The following CALN1 variants were observed in gnomAD, a reference collection of about 807,000 sequenced individuals.
The protein encoded by CALN1 is calcium-binding protein 8.
In CALN1, 17 loss-of-function variants were observed where a neutral mutation model predicts 30.6. The observed-to-expected ratio is 0.56, with a 90% CI of 0.38 to 0.83. The LOEUF (loss-of-function observed/expected upper bound fraction) is 0.83. Among genes scored for constraint, CALN1 ranks in the 40% least tolerant of loss-of-function variants. The pLI, the probability that CALN1 is intolerant of heterozygous loss-of-function variation, is 0.00. For missense variants in CALN1, 291 were observed against 354.9 expected (o/e 0.82, Z 1.45); for synonymous variants, 156 against 131.4 (o/e 1.19, Z -1.28).
At chr7:72,266,834 C>T (rs751173300) in intron 3 of CALN1, among the ~76,000 whole-genome samples, 9 of 152,082 alleles carry the variant, frequency 5.9e-5, no homozygotes, top group South Asian at 2.1e-4. Context: ...CAGAGAAATC[C>T]CTGCTCTGCC....
chr7:72,446,395 C>T (rs1263778630), intron 1 of CALN1, among the ~76,000 whole-genome samples: 3 of 152,066 alleles, frequency 2.0e-5, no homozygotes, highest in Admixed American at 1.3e-4. Context: ...ACCTGAGACT[C>T]GGCTAGAAGT....
chr7:72,448,987 C>CAGGGT (rs913784760), upstream of CALN1, among the ~76,000 whole-genome samples: 53 of 152,226 alleles, frequency 3.5e-4, no homozygotes, highest in African/African-American at 1.3e-3. Flanking sequence ...CAGAGATCTC[C>CAGGGT]AGGGTACGTG....
At chr7:72,265,816 T>C (rs1419961004) in intron 3 of CALN1, among the ~76,000 whole-genome samples, 1 of 152,014 alleles carries the variant, frequency 6.6e-6, no homozygotes, top group East Asian at 1.9e-4. Context: ...AGCCAGTATT[T>C]AGATCACCTG....
At chr7:72,372,591 G>A (rs545896013) in intron 2 of CALN1, among the ~76,000 whole-genome samples, 3 of 152,220 alleles carry the variant, frequency 2.0e-5, no homozygotes, top group East Asian at 3.9e-4. Flanking sequence ...TAAACTTTGA[G>A]AACTGAACAA....
chr7:72,266,303 G>A (rs746338619), intron 3 of CALN1, among the ~76,000 whole-genome samples: 1 of 152,206 alleles, frequency 6.6e-6, no homozygotes, highest in Admixed American at 6.5e-5. Context: ...AGGTAAGGTT[G>A]AAAGCCACCA....
chr7:72,313,325 G>A (rs1800190500), intron 2 of CALN1, among the ~76,000 whole-genome samples: 1 of 151,784 alleles, frequency 6.6e-6, no homozygotes, highest in African/African-American at 2.4e-5. Context: ...AAAAACATTT[G>A]GAAAAAAATA....
chr7:72,499,839 T>C, the CALN1 span, among the ~76,000 whole-genome samples: 2 of 24,444 alleles, frequency 8.2e-5, no homozygotes, highest in Admixed American at 4.7e-4. Flanking sequence ...CTTTCTTTCT[T>C]TCTTTCTTTC....
chr7:72,014,554 T>C (rs844706), intron 5 of CALN1, among the ~76,000 whole-genome samples: 2,970 of 152,344 alleles, frequency 0.019, 116 homozygotes, highest in African/African-American at 0.068. Flanking sequence ...CAGTTGTCTA[T>C]TGCTCTTTAT....
At chr7:71,922,531 TATTA>T (rs891199183) in intron 5 of CALN1, among the ~76,000 whole-genome samples, 3 of 138,760 alleles carry the variant, frequency 2.2e-5, no homozygotes, top group African/African-American at 8.3e-5. Flanking sequence ...ACACAGAATA[TATTA>T]TATATAAATA....
intron 2 of CALN1, among the ~76,000 whole-genome samples, chr7:72,305,188 C>A (rs1482881042): frequency 6.6e-6 from 1 of 152,212 alleles, no homozygotes; most frequent in Admixed American, 6.5e-5. Flanking sequence ...GACTGGCCCC[C>A]AGAGAACTGC....
chr7:72,176,211 C>T (rs1046396346), intron 3 of CALN1, among the ~76,000 whole-genome samples: 2 of 151,984 alleles, frequency 1.3e-5, no homozygotes, highest in African/African-American at 4.8e-5. Flanking sequence ...AGCTACTTTT[C>T]GTGTTTCCTT....
At chr7:72,012,490 AAC>A in intron 5 of CALN1, among the ~76,000 whole-genome samples, 1 of 152,362 alleles carries the variant, frequency 6.6e-6, no homozygotes, top group East Asian at 1.9e-4. Context: ...CCAGCCTGGC[AAC>A]AGAGTGAGAC....
At chr7:71,886,525 C>A (rs1011108824) in intron 5 of CALN1, among the ~76,000 whole-genome samples, 8 of 152,158 alleles carry the variant, frequency 5.3e-5, no homozygotes, top group African/African-American at 7.2e-5. Flanking sequence ...GTAATCCCAG[C>A]ACTTTGGGAG....
At chr7:72,056,091 C>T (rs937400997) in intron 4 of CALN1, among the ~76,000 whole-genome samples, 27 of 152,034 alleles carry the variant, frequency 1.8e-4, no homozygotes, top group African/African-American at 6.0e-4. Context: ...ATTTTTAAAG[C>T]CTTTAAAAGA....
chr7:72,174,409 A>G (rs1240968247), intron 3 of CALN1, among the ~76,000 whole-genome samples: 1 of 152,180 alleles, frequency 6.6e-6, no homozygotes, highest in African/African-American at 2.4e-5. Context: ...ATGGAAACAT[A>G]TGTCCACAGG....
intron 5 of CALN1, among the ~76,000 whole-genome samples, chr7:71,917,661 G>A (rs1794747810): frequency 6.6e-6 from 1 of 152,064 alleles, no homozygotes; most frequent in African/African-American, 2.4e-5. Flanking sequence ...TGCAAGTGGG[G>A]GGAGGAAATG....
chr7:72,159,984 A>G (rs1045391698), intron 3 of CALN1, among the ~76,000 whole-genome samples: 3 of 152,178 alleles, frequency 2.0e-5, no homozygotes, highest in African/African-American at 4.8e-5. Flanking sequence ...GATGTGGACA[A>G]CTTGGAGGTT....
At chr7:72,060,930 G>A (rs1803603576) in intron 4 of CALN1, among the ~76,000 whole-genome samples, 1 of 152,146 alleles carries the variant, frequency 6.6e-6, no homozygotes, top group African/African-American at 2.4e-5. Context: ...AAATTACTCA[G>A]TTTCAGGTAT....
chr7:72,305,381 G>A (rs568206108), intron 2 of CALN1, among the ~76,000 whole-genome samples: 1 of 152,286 alleles, frequency 6.6e-6, no homozygotes, highest in Non-Finnish European at 1.5e-5. Flanking sequence ...TCCTTCTTAA[G>A]GCTGTTTTGA....
Sources: gnomAD v4.1 joint callset for allele counts (sites outside exome capture counted in the v4.1 genomes callset) on GRCh38, gnomAD v4.1.1 for gene constraint, MANE v1.5 for transcripts, NCBI Gene and HGNC (gene_info 2026-07-23, HGNC 2026-07-21) for gene names.